The following CSNK1D variants were observed in gnomAD, a reference collection of about 807,000 sequenced individuals.
CSNK1D encodes the protein casein kinase 1 delta, also known as casein kinase I isoform delta.
A neutral mutation model predicts 46.6 loss-of-function variants in CSNK1D; 16 were observed. The ratio of observed to expected loss-of-function variants is 0.34; its 90% CI spans 0.23 to 0.52. The LOEUF (loss-of-function observed/expected upper bound fraction) is 0.52, where lower values mean the gene tolerates loss of function less well. Ranked by LOEUF, CSNK1D falls within the 20% of genes least tolerant of loss-of-function variation. CSNK1D has a pLI of 0.95. For synonymous variants in CSNK1D, 276 were observed against 228.2 expected (o/e 1.21, Z -1.89); for missense variants, 398 against 578.4 (o/e 0.69, Z 3.20).
Position 82,250,193 on chromosome 17 carries a change from G to A in CSNK1D, c.886-591C>T, listed in dbSNP as rs745622071. On this transcript the variant is annotated intron_variant, in intron 6 of 8. Transcript: ENST00000314028. This position sits in a 1 kb window ranked among gnomAD's most constrained non-coding sequence, Gnocchi z 4.6. ...CGAGACAGCAACCTATGAAAAAGCA[G>A]ATTCTAACTGCCAATGCTGTGCGGC... 7.8e-7 allele frequency: 1 copy of A among 1,289,910 alleles called. No homozygotes were observed. The highest frequency in any genetic ancestry group is 1.2e-5 in the South Asian group (1 of 81,036). 79.9% of individuals were successfully genotyped at this position (1,289,910 alleles called of 1,614,324 possible). A position where few individuals can be genotyped will look rare whatever the true frequency, so the allele number is the denominator to read the frequency against.
Position 82,244,283 on chromosome 17 carries a change from C to A in CSNK1D, c.*498G>T. On this transcript the variant is annotated 3_prime_UTR_variant, in exon 9 of 9. Coordinates refer to ENST00000314028, the MANE Select transcript of CSNK1D (RefSeq NM_001893.6). ...CTCCACCTCATACACTAACTCCAAG[C>A]CAGCCTGTCTCAGAATTCCTTAGTC... The A allele has an allele frequency of 9.0e-7, 1 of 1,107,818 alleles. No individual in the cohort carries two copies. Among genetic ancestry groups the A allele is most frequent in the South Asian group, 2.3e-5 (1 of 43,354 alleles). The allele number at this position is 1,107,818 out of a possible 1,614,324, so 68.6% of individuals were successfully genotyped here. A position where few individuals can be genotyped will look rare whatever the true frequency, so the allele number is the denominator to read the frequency against.
intron 2 of CSNK1D, chr17:82,265,277 C>G: frequency 3.2e-6 from 1 of 312,482 alleles, no homozygotes; most frequent in Non-Finnish European, 6.2e-6. Flanking sequence ...CTCCCAGACT[C>G]AGGCGATTCT....
At chr17:82,264,320 T>C (rs1157140132) in intron 2 of CSNK1D, among the ~76,000 whole-genome samples, 1 of 152,190 alleles carries the variant, frequency 6.6e-6, no homozygotes, top group Non-Finnish European at 1.5e-5. Flanking sequence ...CAAAGAGGGC[T>C]CCTGCCAGAC....
rs2050935336 is a variant in CSNK1D, at chr17:82,249,310, A to ATC, written c.1057+120_1057+121insGA. The ATC allele has an allele frequency of 5.5e-6, 6 of 1,099,006 alleles. No individual in the cohort carries two copies. In the Admixed American group the frequency reaches 1.4e-4, roughly 25 times the overall value. The allele number at this position is 1,099,006 out of a possible 1,614,324, so 68.1% of individuals were successfully genotyped here. ...CCTGGCTCATCCACCCTCAGGAGCG[A>ATC]GCATCGCCTGACACAGGGCACTTAG... On this transcript the variant is annotated intron_variant, in intron 7 of 8. Coordinates refer to ENST00000314028, the MANE Select transcript of CSNK1D (RefSeq NM_001893.6). The surrounding 1 kb of genome is among the most constrained non-coding windows in gnomAD (Gnocchi z 6.7).
intron 2 of CSNK1D, among the ~76,000 whole-genome samples, chr17:82,260,140 GTGATGTGACTGATGGTGTACTGAC>G (rs1568574496): frequency 1.0e-4 from 15 of 149,158 alleles, no homozygotes; most frequent in East Asian, 7.9e-4. Flanking sequence ...GGTGTACTGA[GTGATGTGACTGATGGTGTACTGAC>G]TGATGTGACT....
In CSNK1D at chr17:82,273,427, G is replaced by A. The variant is rs759341914; in HGVS notation, c.-46C>T. Reference sequence around the variant, plus strand: ...CTCCTGCCCTCCCGGCCGCTTCCTGGGTCTGAACTCTGGGAGGCGGCGCCG... The same window carrying A: ...CTCCTGCCCTCCCGGCCGCTTCCTGAGTCTGAACTCTGGGAGGCGGCGCCG... On this transcript the variant is annotated 5_prime_UTR_variant, in exon 1 of 9. Coordinates refer to ENST00000314028, the MANE Select transcript of CSNK1D (RefSeq NM_001893.6). The surrounding 1 kb of genome is among the most constrained non-coding windows in gnomAD (Gnocchi z 5.1). 1.0e-5 allele frequency: 16 copies of A among 1,605,444 alleles called. No individual in the cohort carries two copies. The highest frequency in any genetic ancestry group is 1.7e-4 in the Middle Eastern group (1 of 5,744).
chr17:82,265,491 CTTT>C (rs1568582244), intron 2 of CSNK1D, 192 bp downstream of exon 2: 11 of 612,576 alleles, frequency 1.8e-5, no homozygotes, highest in Non-Finnish European at 3.0e-5. Context: ...TAAGATGTTT[CTTT>C]GTGTTGAGGG....
chr17:82,244,960 C>T lies in CSNK1D; in HGVS notation c.1198-129G>A, dbSNP rs555424262. On this transcript the variant is annotated intron_variant, in intron 8 of 8. Transcript: ENST00000314028. Reference sequence around the variant, plus strand: ...CGCCTAGCCCCAGTCTAGACGCCTGCGTCCCCCGCCACGCACAGGGGCCTC... The same window carrying T: ...CGCCTAGCCCCAGTCTAGACGCCTGTGTCCCCCGCCACGCACAGGGGCCTC... The T allele has an allele frequency of 2.6e-4, 314 of 1,185,808 alleles. 1 individual carries two copies. The highest frequency in any genetic ancestry group is 4.8e-4 in the Middle Eastern group (2 of 4,186). The allele number at this position is 1,185,808 out of a possible 1,614,324, so 73.5% of individuals were successfully genotyped here. A position where few individuals can be genotyped will look rare whatever the true frequency, so the allele number is the denominator to read the frequency against.
At chr17:82,263,862 C>T (rs1437319311) in intron 2 of CSNK1D, among the ~76,000 whole-genome samples, 1 of 152,224 alleles carries the variant, frequency 6.6e-6, no homozygotes, top group Non-Finnish European at 1.5e-5. Context: ...GAAGCCAGTC[C>T]ACCACCAAGG....
intron 1 of CSNK1D, chr17:82,272,252 G>A (rs2051644794): frequency 6.5e-6 from 1 of 152,936 alleles, no homozygotes; most frequent in Non-Finnish European, 1.5e-5. Context: ...GCTGAGGCAG[G>A]AGAATCGCTT....
intron 1 of CSNK1D, 61 bp from the exon 2 acceptor site, chr17:82,265,857 G>T: frequency 7.5e-7 from 1 of 1,326,140 alleles, no homozygotes; most frequent in Non-Finnish European, 1.1e-6. Context: ...AACCCAACAT[G>T]CTGGAGAAAC....
rs947676564 is a variant in CSNK1D, at chr17:82,251,597, G to T, written c.737-70C>A. ...GACTCAAGGTGTCTCTGCCAACGTC[G>T]CTGTCTACCTCCTGCTGCTGCACAC... On this transcript the variant is annotated intron_variant, in intron 5 of 8. Transcript: ENST00000314028. The surrounding 1 kb of genome is among the most constrained non-coding windows in gnomAD (Gnocchi z 4.5). 16 of 1,498,298 alleles carry T rather than the reference G, an allele frequency of 1.1e-5. No homozygotes were observed. The highest frequency in any genetic ancestry group is 2.8e-5 in the African/African-American group (2 of 72,640). 92.8% of individuals were successfully genotyped at this position (1,498,298 alleles called of 1,614,324 possible). A position where few individuals can be genotyped will look rare whatever the true frequency, so the allele number is the denominator to read the frequency against.
Position 82,252,377 on chromosome 17 carries a change from G to T in CSNK1D, c.736+57C>A. 6.3e-7 allele frequency: 1 copy of T among 1,595,786 alleles called. No homozygotes were observed. The highest frequency in any genetic ancestry group is 1.1e-5 in the South Asian group (1 of 90,556). On this transcript the variant is annotated intron_variant, in intron 5 of 8. Coordinates refer to ENST00000314028, the MANE Select transcript of CSNK1D (RefSeq NM_001893.6). This position sits in a 1 kb window ranked among gnomAD's most constrained non-coding sequence, Gnocchi z 4.6. The stretch of plus-strand genomic sequence containing the variant: ...CAGACTGAGCCGTCTCGGCACACCC[G>T]ACACATATGCAACCCCTGTGAGCAG...
In CSNK1D at chr17:82,248,480, C is replaced by G; in HGVS notation, c.1197+395G>C. On this transcript the variant is annotated intron_variant, in intron 8 of 8. Coordinates refer to ENST00000314028, the MANE Select transcript of CSNK1D (RefSeq NM_001893.6). This position sits in a 1 kb window ranked among gnomAD's most constrained non-coding sequence, Gnocchi z 4.1. ...ACGGGCCTCCATCCCTGGCCAGTGG[C>G]AAGAATGAGGAAGAATGAGGAAGGC... 2 of 1,083,714 alleles carry G rather than the reference C, an allele frequency of 1.8e-6. No individual in the cohort carries two copies. Among genetic ancestry groups the G allele is most frequent in the Non-Finnish European group, 2.3e-6 (2 of 886,788 alleles). The allele number at this position is 1,083,714 out of a possible 1,614,324, so 67.1% of individuals were successfully genotyped here.
At position 82,244,611 on chromosome 17, in the gene CSNK1D, T is replaced by C; in HGVS notation, c.*170A>G. ...GCCCCAGCGGTGGCAGCTCTTGGAG[T>C]CTGTCCGTTTAGTATGTTTCCCCCA... On this transcript the variant is annotated 3_prime_UTR_variant, in exon 9 of 9. Transcript: ENST00000314028. 1 of 1,526,788 alleles carries C rather than the reference T, an allele frequency of 6.5e-7. No individual in the cohort carries two copies. 94.6% of individuals were successfully genotyped at this position (1,526,788 alleles called of 1,614,324 possible). A position where few individuals can be genotyped will look rare whatever the true frequency, so the allele number is the denominator to read the frequency against.
At chr17:82,240,022 C>T (rs373977034), downstream of CSNK1D, 169 of 1,233,788 alleles carry the variant, frequency 1.4e-4, no homozygotes, top group African/African-American at 2.0e-3. Context: ...GGTGCCCTGG[C>T]GGGCCGCGTG....
chr17:82,241,732 C>G (rs985489881), downstream of CSNK1D, among the ~76,000 whole-genome samples: 1 of 152,188 alleles, frequency 6.6e-6, no homozygotes, highest in African/African-American at 2.4e-5. Context: ...AGGGAAGGCC[C>G]GGAAGCCAGC....
At chr17:82,239,400 C>T (rs916041651), downstream of CSNK1D, 9 of 178,416 alleles carry the variant, frequency 5.0e-5, no homozygotes, top group African/African-American at 2.1e-4. Context: ...CCTGTGCCCA[C>T]CCCTCTTGAG....
In CSNK1D at chr17:82,250,173, C is replaced by G. The variant is rs1242155604; in HGVS notation, c.886-571G>C. 1.9e-5 allele frequency: 24 copies of G among 1,289,866 alleles called. No homozygotes were observed. Among genetic ancestry groups the G allele is most frequent in the Non-Finnish European group, 2.4e-5 (24 of 988,986 alleles). 79.9% of individuals were successfully genotyped at this position (1,289,866 alleles called of 1,614,324 possible). A position where few individuals can be genotyped will look rare whatever the true frequency, so the allele number is the denominator to read the frequency against. On this transcript the variant is annotated intron_variant, in intron 6 of 8. Coordinates refer to ENST00000314028, the MANE Select transcript of CSNK1D (RefSeq NM_001893.6). This position sits in a 1 kb window ranked among gnomAD's most constrained non-coding sequence, Gnocchi z 4.6. Reference sequence around the variant, plus strand: ...GGGGAGGTCAGATTTTAAGCCGAGACAGCAACCTATGAAAAAGCAGATTCT... The same window carrying G: ...GGGGAGGTCAGATTTTAAGCCGAGAGAGCAACCTATGAAAAAGCAGATTCT...
Sources: allele counts gnomAD v4.1 joint callset (sites outside exome capture counted in the v4.1 genomes callset), GRCh38; gene constraint gnomAD v4.1.1; non-coding constraint Gnocchi (gnomAD v3.1); transcripts MANE v1.5; gene names NCBI Gene and HGNC (gene_info 2026-07-23, HGNC 2026-07-21).